The following SLC8A3 variants were observed in gnomAD, a reference collection of about 807,000 sequenced individuals.
SLC8A3 encodes the protein sodium/calcium exchanger 3.
Under a neutral mutation model 65.4 loss-of-function variants are expected in SLC8A3, and 37 were observed. The ratio of observed to expected loss-of-function variants is 0.57; its 90% CI spans 0.44 to 0.74. The LOEUF (loss-of-function observed/expected upper bound fraction) is 0.74. SLC8A3 is among the 30% of genes least tolerant of loss of function. The pLI, the probability that SLC8A3 is intolerant of heterozygous loss-of-function variation, is 0.00. For synonymous variants in SLC8A3, 461 were observed against 444.5 expected, an observed-to-expected ratio of 1.04 and a Z score of -0.47; for missense variants, 1,112 against 1,172.1, an observed-to-expected ratio of 0.95 and a Z score of 0.75.
intron 2 of SLC8A3, among the ~76,000 whole-genome samples, chr14:70,161,980 A>G (rs1896921247): frequency 6.6e-6 from 1 of 152,258 alleles, no homozygotes; most frequent in South Asian, 2.1e-4. Context: ...AAGATGTTCC[A>G]ACTATGCCTG....
intron 2 of SLC8A3, among the ~76,000 whole-genome samples, chr14:70,068,592 C>A (rs1403190080): frequency 6.6e-6 from 1 of 152,098 alleles, no homozygotes; most frequent in Non-Finnish European, 1.5e-5. Flanking sequence ...CTAAGTTGCC[C>A]AGGCTGATCT....
At chr14:70,099,187 A>G (rs1892392155) in intron 2 of SLC8A3, among the ~76,000 whole-genome samples, 1 of 152,190 alleles carries the variant, frequency 6.6e-6, no homozygotes, top group Non-Finnish European at 1.5e-5. Flanking sequence ...CTGGTTAAAA[A>G]GCGGGGTCAG....
chr14:70,128,433 A>G (rs912753255), intron 2 of SLC8A3, among the ~76,000 whole-genome samples: 1 of 152,082 alleles, frequency 6.6e-6, no homozygotes, highest in Non-Finnish European at 1.5e-5. Context: ...GCCATATTTT[A>G]CTACTCATTC....
intron 2 of SLC8A3, among the ~76,000 whole-genome samples, chr14:70,112,663 A>G (rs144726767): frequency 1.3e-5 from 2 of 152,292 alleles, no homozygotes. Context: ...CACCAACTGG[A>G]TGGTTTGAAA....
chr14:70,144,165 A>T (rs959301053), intron 2 of SLC8A3, among the ~76,000 whole-genome samples: 2 of 152,096 alleles, frequency 1.3e-5, no homozygotes, highest in Non-Finnish European at 2.9e-5. Context: ...GATTGAAAGC[A>T]TACATTCTGG....
intron 2 of SLC8A3, among the ~76,000 whole-genome samples, chr14:70,125,404 A>G (rs775470311): frequency 6.6e-6 from 1 of 152,090 alleles, no homozygotes; most frequent in Non-Finnish European, 1.5e-5. Context: ...TTAGCTCCCA[A>G]TTGTAAGTGA....
chr14:70,159,135 G>A (rs1896737724), intron 2 of SLC8A3, among the ~76,000 whole-genome samples: 1 of 152,178 alleles, frequency 6.6e-6, no homozygotes, highest in Admixed American at 6.5e-5. Flanking sequence ...GGGGCCAGGT[G>A]CAGTGGTTCA....
intron 2 of SLC8A3, among the ~76,000 whole-genome samples, chr14:70,137,442 C>T (rs1895280708): frequency 6.6e-6 from 1 of 152,158 alleles, no homozygotes; most frequent in Non-Finnish European, 1.5e-5. Flanking sequence ...CGTGCCAAGC[C>T]TATCAAATTT....
chr14:70,107,214 T>C (rs1165630111), intron 2 of SLC8A3, among the ~76,000 whole-genome samples: 1 of 151,904 alleles, frequency 6.6e-6, no homozygotes, highest in African/African-American at 2.4e-5. Flanking sequence ...AGAAAGGACA[T>C]CATTTGGGGA....
chr14:70,092,511 G>A (rs1275231094), intron 2 of SLC8A3, among the ~76,000 whole-genome samples: 2 of 152,160 alleles, frequency 1.3e-5, no homozygotes, highest in East Asian at 3.9e-4. Flanking sequence ...ATCACCTAGA[G>A]TGTCAACCTC....
chr14:70,069,245 A>G (rs558022991), intron 2 of SLC8A3, among the ~76,000 whole-genome samples: 2 of 152,334 alleles, frequency 1.3e-5, no homozygotes, highest in Non-Finnish European at 1.5e-5. Context: ...CCAGCAGCAC[A>G]GGCAGGTAAT....
chr14:70,086,356 T>G (rs1891430872), intron 2 of SLC8A3, among the ~76,000 whole-genome samples: 1 of 144,882 alleles, frequency 6.9e-6, no homozygotes. Context: ...AAAAAACAAT[T>G]TTTTTAATTT....
intron 2 of SLC8A3, among the ~76,000 whole-genome samples, chr14:70,081,281 C>A (rs1236977125): frequency 6.6e-6 from 1 of 152,160 alleles, no homozygotes; most frequent in East Asian, 1.9e-4. Flanking sequence ...ATTCCTAAGT[C>A]CCAGTCCCAG....
At chr14:70,142,064 C>G (rs1258870201) in intron 2 of SLC8A3, among the ~76,000 whole-genome samples, 1 of 152,182 alleles carries the variant, frequency 6.6e-6, no homozygotes, top group Non-Finnish European at 1.5e-5. Flanking sequence ...AGCCTGGCAC[C>G]TAATGGCCAG....
At chr14:70,163,329 G>A (rs73276793) in intron 2 of SLC8A3, among the ~76,000 whole-genome samples, 10,031 of 152,256 alleles carry the variant, frequency 0.066, 393 homozygotes, top group African/African-American at 0.1. Flanking sequence ...TCCAAAGCTC[G>A]TGCTTTTCCA....
chr14:70,052,139 G>A (rs1238775617), intron 3 of SLC8A3, 25 bp from the exon 4 acceptor site: 10 of 1,577,430 alleles, frequency 6.3e-6, no homozygotes, highest in African/African-American at 1.4e-5. Context: ...AATCAGACTC[G>A]CTTTAACACC....
At chr14:70,055,958 C>A (rs538011622) in intron 3 of SLC8A3, 3 of 664,602 alleles carry the variant, frequency 4.5e-6, no homozygotes, top group Middle Eastern at 2.6e-4. Context: ...AGCAGCCATA[C>A]GCAAAAAGAA....
chr14:70,083,105 A>T lies in SLC8A3; in HGVS notation c.1785-22166T>A, dbSNP rs547735534. ...CCTTCATAAGTTTAGGCTCCACATG[A>T]TTAGTTTCTACTGTTCCACTTTGGA... On this transcript the variant is annotated intron_variant, in intron 2 of 6. Coordinates refer to ENST00000356921, the MANE Select transcript of SLC8A3 (RefSeq NM_182932.3). Among the ~76,000 whole-genome samples, 29 of 152,260 alleles carry T rather than the reference A, an allele frequency of 1.9e-4. No individual in the cohort carries two copies. The South Asian group carries it at 5.8e-3, about 30-fold the overall frequency.
At chr14:70,103,533 A>G (rs1191700017) in intron 2 of SLC8A3, among the ~76,000 whole-genome samples, 3 of 152,070 alleles carry the variant, frequency 2.0e-5, no homozygotes, top group Admixed American at 1.3e-4. Flanking sequence ...GTAAAGGGAC[A>G]TAGACTGCTG....
Sources: gnomAD v4.1 joint callset for allele counts (sites outside exome capture counted in the v4.1 genomes callset) on GRCh38, gnomAD v4.1.1 for gene constraint, MANE v1.5 for transcripts, NCBI Gene and HGNC (gene_info 2026-07-23, HGNC 2026-07-21) for gene names.